The following TRMT11 variants were observed in gnomAD, a reference collection of about 807,000 sequenced individuals.
The protein encoded by TRMT11 is tRNA methyltransferase 11, also known as tRNA (guanine(10)-N(2))-methyltransferase TRMT11.
A neutral mutation model predicts 62.8 loss-of-function variants in TRMT11; 53 were observed. The ratio of observed to expected loss-of-function variants is 0.84; its 90% confidence interval spans 0.68 to 1.06. TRMT11 has a LOEUF of 1.06. TRMT11 is among the 50% of genes least tolerant of loss of function. The pLI is 0.00. For missense variants in TRMT11, 556 were observed against 553.4 expected, an observed-to-expected ratio of 1.00 and a Z score of -0.05; for synonymous variants, 188 against 190.3, an observed-to-expected ratio of 0.99 and a Z score of 0.10.
intron 11 of TRMT11, among the ~76,000 whole-genome samples, chr6:126,017,836 A>T (rs1795207430): frequency 6.6e-6 from 1 of 152,202 alleles, no homozygotes; most frequent in Non-Finnish European, 1.5e-5. Flanking sequence ...GACCCAGATT[A>T]TGTGTTGCAA....
the TRMT11 span, among the ~76,000 whole-genome samples, chr6:126,256,151 A>C: frequency 1.3e-5 from 2 of 152,124 alleles, no homozygotes; most frequent in East Asian, 1.9e-4. Flanking sequence ...TCTCCATGTG[A>C]GTGTTTCCAT....
chr6:126,082,153 C>T (rs1051767354), intron 17 of TRMT11, among the ~76,000 whole-genome samples: 10 of 152,072 alleles, frequency 6.6e-5, no homozygotes, highest in Non-Finnish European at 1.3e-4. Context: ...AATGACAGAT[C>T]TTGAGCCTAG....
intron 17 of TRMT11, among the ~76,000 whole-genome samples, chr6:126,100,315 C>T (rs371694958): frequency 3.9e-5 from 6 of 152,056 alleles, no homozygotes; most frequent in South Asian, 2.1e-4. Context: ...TTTGCTGTGT[C>T]GTGTCTAGTC....
downstream of TRMT11, among the ~76,000 whole-genome samples, chr6:126,041,496 A>G (rs1775879338): frequency 6.6e-6 from 1 of 152,180 alleles, no homozygotes; most frequent in African/African-American, 2.4e-5. Context: ...CTGACATCTT[A>G]TGCTGGAAAT....
Position 126,008,418 on chromosome 6 carries a change from T to A in TRMT11, c.706T>A (p.Phe236Ile). 6.2e-7 allele frequency: 1 copy of A among 1,613,148 alleles called. No individual in the cohort carries two copies. The highest frequency in any genetic ancestry group is 1.1e-5 in the South Asian group (1 of 91,046). The change falls in exon 8 of 13, where the codon TTT becomes ATT. Residue 236 changes from phenylalanine (F) to isoleucine (I), a missense_variant. Transcript: ENST00000334379. ...TGGCCTGCTGATAGCATGTGCTCAT[T>A]TTGGTGCATATGTGTATGGGACAGA... ...TGGLLIACAHFGAYVYGTDID... is the reference protein window; with the variant it reads ...TGGLLIACAHIGAYVYGTDID...
chr6:126,006,342 G>A (rs1433222605), intron 7 of TRMT11, among the ~76,000 whole-genome samples: 4 of 151,098 alleles, frequency 2.6e-5, no homozygotes, highest in African/African-American at 7.3e-5. Flanking sequence ...ATTTCTCCAC[G>A]TTTGCAAAGC....
chr6:126,140,329 T>C (rs1777903563), intron 21 of TRMT11, among the ~76,000 whole-genome samples: 1 of 152,100 alleles, frequency 6.6e-6, no homozygotes, highest in Admixed American at 6.6e-5. Context: ...TATTTGTCCA[T>C]GATTTCCTTT....
chr6:126,235,832 ATCC>A, the TRMT11 span, among the ~76,000 whole-genome samples: 1 of 152,206 alleles, frequency 6.6e-6, no homozygotes, highest in East Asian at 1.9e-4. Flanking sequence ...AAAGCTACCC[ATCC>A]TGCACATGTA....
At chr6:126,063,972 G>A (rs1776613830) in intron 17 of TRMT11, among the ~76,000 whole-genome samples, 2 of 152,160 alleles carry the variant, frequency 1.3e-5, no homozygotes, top group South Asian at 4.1e-4. Context: ...GGAGGAGCAA[G>A]GCCATGTCAC....
chr6:126,258,245 C>G, the TRMT11 span: 61 of 599,684 alleles, frequency 1.0e-4, no homozygotes, highest in Middle Eastern at 2.0e-3. Flanking sequence ...GCCGCCCGGG[C>G]CTCCTCCTGC....
intron 7 of TRMT11, among the ~76,000 whole-genome samples, chr6:126,004,689 AT>A (rs1252585313): frequency 6.6e-6 from 1 of 152,010 alleles, no homozygotes; most frequent in African/African-American, 2.4e-5. Context: ...TTTAAAAAAA[AT>A]TCATGTGTCT....
At chr6:126,043,394 T>G (rs1775942611), downstream of TRMT11, among the ~76,000 whole-genome samples, 2 of 151,574 alleles carry the variant, frequency 1.3e-5, no homozygotes, top group South Asian at 4.2e-4. Flanking sequence ...CATCATTTTT[T>G]ATGGCTGCAT....
chr6:126,084,569 T>G (rs955757577), intron 17 of TRMT11, among the ~76,000 whole-genome samples: 1 of 152,182 alleles, frequency 6.6e-6, no homozygotes, highest in African/African-American at 2.4e-5. Flanking sequence ...TTTGGTTTGA[T>G]GTAGTCTCAT....
intron 11 of TRMT11, among the ~76,000 whole-genome samples, chr6:126,018,508 C>T (rs1436014877): frequency 6.6e-6 from 1 of 151,470 alleles, no homozygotes; most frequent in Non-Finnish European, 1.5e-5. Context: ...CCATGAAATT[C>T]ACCCCCTTAA....
the TRMT11 span, among the ~76,000 whole-genome samples, chr6:126,214,109 T>G: frequency 6.7e-6 from 1 of 149,152 alleles, no homozygotes; most frequent in Non-Finnish European, 1.5e-5. Context: ...CATGATGGAG[T>G]GATCTTTCTA....
chr6:126,109,020 G>A, intron 17 of TRMT11, among the ~76,000 whole-genome samples: 1 of 152,216 alleles, frequency 6.6e-6, no homozygotes, highest in Middle Eastern at 3.4e-3. Flanking sequence ...AATTGTTAAT[G>A]TTTTACCACA....
the TRMT11 span, among the ~76,000 whole-genome samples, chr6:126,264,770 A>G: frequency 6.6e-6 from 1 of 152,070 alleles, no homozygotes; most frequent in Non-Finnish European, 1.5e-5. Flanking sequence ...TCTACAGCAG[A>G]ATTGCCTTTG....
chr6:126,246,448 T>C, the TRMT11 span, among the ~76,000 whole-genome samples: 1 of 151,960 alleles, frequency 6.6e-6, no homozygotes, highest in East Asian at 1.9e-4. Context: ...AAGTAAAACA[T>C]AGTGTGAATG....
At chr6:126,222,638 G>T in the TRMT11 span, among the ~76,000 whole-genome samples, 1 of 151,772 alleles carries the variant, frequency 6.6e-6, no homozygotes, top group Admixed American at 6.6e-5. Context: ...GACTTTATTA[G>T]TATATAGAAA....
Sources: gnomAD v4.1 joint callset for allele counts (sites outside exome capture counted in the v4.1 genomes callset) on GRCh38, gnomAD v4.1.1 for gene constraint, MANE v1.5 for transcripts, NCBI Gene and HGNC (gene_info 2026-07-23, HGNC 2026-07-21) for gene names.